Variants in EPC2 observed in about 807,000 individuals in gnomAD.
EPC2 encodes enhancer of polycomb homolog 2.
In EPC2, 14 loss-of-function variants were observed where a neutral mutation model predicts 92.1. The observed-to-expected ratio is 0.15, with a 90% confidence interval of 0.10 to 0.24. The LOEUF (loss-of-function observed/expected upper bound fraction) is 0.24, where lower values mean the gene tolerates loss of function less well. EPC2 is among the 10% of genes least tolerant of loss of function. EPC2 has a pLI of 1.00. For missense variants in EPC2, 755 were observed against 971.5 expected (o/e 0.78, Z 2.96); for synonymous variants, 340 against 334.7 (o/e 1.02, Z -0.17).
intron 2 of EPC2, among the ~76,000 whole-genome samples, chr2:148,727,504 A>G (rs1323521796): frequency 6.6e-6 from 1 of 152,236 alleles, no homozygotes; most frequent in East Asian, 1.9e-4. Context: ...GTAGTGGCCT[A>G]TGAAGATATG....
chr2:148,690,390 A>G lies in EPC2; in HGVS notation c.313+17A>G, dbSNP rs376558505. 3.2e-6 allele frequency: 5 copies of G among 1,561,236 alleles called. No individual in the cohort carries two copies. Among genetic ancestry groups the G allele is most frequent in the Non-Finnish European group, 4.3e-6 (5 of 1,158,288 alleles). On this transcript the variant is annotated intron_variant, in intron 2 of 13. Coordinates refer to ENST00000258484, the MANE Select transcript of EPC2 (RefSeq NM_015630.4). ...ATATTCAGCGTAAGTTTGTTAATTC[A>G]TTGTTTTCTGTTTGTACTTTAAATT...
At chr2:148,701,142 A>G (rs1468775390) in intron 2 of EPC2, among the ~76,000 whole-genome samples, 1 of 152,178 alleles carries the variant, frequency 6.6e-6, no homozygotes, top group East Asian at 1.9e-4. Flanking sequence ...ACTATGCTCT[A>G]ATTAGTTCCA....
intron 1 of EPC2, among the ~76,000 whole-genome samples, chr2:148,657,345 T>C (rs1348100872): frequency 6.6e-6 from 1 of 152,130 alleles, no homozygotes; most frequent in Non-Finnish European, 1.5e-5. Flanking sequence ...TGAAATAGCC[T>C]AGCCACCTTG....
At chr2:148,688,356 A>G (rs1183862252) in intron 1 of EPC2, among the ~76,000 whole-genome samples, 1 of 152,164 alleles carries the variant, frequency 6.6e-6, no homozygotes, top group Non-Finnish European at 1.5e-5. Flanking sequence ...TGGGAATTGA[A>G]CAGTGAGAAC....
At chr2:148,646,738 C>CT (rs1482700601) in intron 1 of EPC2, among the ~76,000 whole-genome samples, 1 of 152,018 alleles carries the variant, frequency 6.6e-6, no homozygotes, top group Non-Finnish European at 1.5e-5. Context: ...TTTTGTGGGT[C>CT]TTGATCCAAA....
At chr2:148,713,004 G>A (rs923947694) in intron 2 of EPC2, among the ~76,000 whole-genome samples, 3 of 152,160 alleles carry the variant, frequency 2.0e-5, no homozygotes, top group African/African-American at 4.8e-5. Context: ...ACCAGCCTGG[G>A]CAACATAGAC....
At chr2:148,725,998 T>A (rs1316676200) in intron 2 of EPC2, among the ~76,000 whole-genome samples, 2 of 152,170 alleles carry the variant, frequency 1.3e-5, no homozygotes, top group Non-Finnish European at 2.9e-5. Context: ...ACCACCATTC[T>A]GCTTTTTGTT....
At chr2:148,753,825 G>T (rs1374530639) in intron 3 of EPC2, 102 bp from the exon 4 acceptor site, 1 of 783,554 alleles carries the variant, frequency 1.3e-6, no homozygotes, top group African/African-American at 1.7e-5. Context: ...TTATCTGTTA[G>T]TAGTTATTGA....
intron 1 of EPC2, among the ~76,000 whole-genome samples, chr2:148,670,448 C>T (rs1261719712): frequency 6.6e-6 from 1 of 151,860 alleles, no homozygotes; most frequent in African/African-American, 2.4e-5. Context: ...TGTTGTACAA[C>T]CATTACCACT....
At chr2:148,775,162 T>G (rs543746631) in intron 10 of EPC2, among the ~76,000 whole-genome samples, 1 of 152,002 alleles carries the variant, frequency 6.6e-6, no homozygotes, top group East Asian at 1.9e-4. Flanking sequence ...AATAGATTGA[T>G]TGTGGTGAAC....
intron 2 of EPC2, among the ~76,000 whole-genome samples, chr2:148,716,769 A>G (rs1682270607): frequency 1.3e-5 from 2 of 152,166 alleles, no homozygotes; most frequent in South Asian, 4.1e-4. Flanking sequence ...TGAACTAGGG[A>G]GGAGTCCCTC....
intron 2 of EPC2, among the ~76,000 whole-genome samples, chr2:148,710,510 A>G (rs1343043942): frequency 1.3e-5 from 2 of 152,264 alleles, no homozygotes; most frequent in Non-Finnish European, 2.9e-5. Context: ...TATATACCCA[A>G]AGGATTATAA....
chr2:148,701,657 T>C (rs766185081), intron 2 of EPC2, among the ~76,000 whole-genome samples: 2 of 152,208 alleles, frequency 1.3e-5, no homozygotes, highest in African/African-American at 4.8e-5. Context: ...AATTTTTGCA[T>C]GTATGTTCAT....
chr2:148,729,306 C>T (rs909505518), intron 2 of EPC2, among the ~76,000 whole-genome samples: 4 of 151,996 alleles, frequency 2.6e-5, no homozygotes, highest in Admixed American at 6.6e-5. Flanking sequence ...TTACATACCT[C>T]AGAGTAGTAT....
intron 7 of EPC2, among the ~76,000 whole-genome samples, chr2:148,768,568 CTCT>C (rs1469739806): frequency 1.3e-5 from 2 of 152,128 alleles, no homozygotes; most frequent in Non-Finnish European, 1.5e-5. Flanking sequence ...CAAGTCATTT[CTCT>C]TCTTCTTTTC....
At chr2:148,774,950 G>T (rs563345591) in intron 10 of EPC2, among the ~76,000 whole-genome samples, 5 of 151,680 alleles carry the variant, frequency 3.3e-5, no homozygotes, top group Non-Finnish European at 7.4e-5. Context: ...TTAGCCAGGC[G>T]TGGTGGTGGG....
chr2:148,672,202 G>A (rs1681167806), intron 1 of EPC2, among the ~76,000 whole-genome samples: 1 of 152,086 alleles, frequency 6.6e-6, no homozygotes, highest in South Asian at 2.1e-4. Flanking sequence ...TTGTCTTTAT[G>A]TATCTTTATG....
At chr2:148,663,639 C>T (rs1289229061) in intron 1 of EPC2, among the ~76,000 whole-genome samples, 2 of 117,938 alleles carry the variant, frequency 1.7e-5, no homozygotes, top group Non-Finnish European at 3.2e-5. Context: ...TCTATCTTAC[C>T]ACTGAAGCCT....
intron 6 of EPC2, among the ~76,000 whole-genome samples, chr2:148,763,868 C>T (rs1683353245): frequency 6.6e-6 from 1 of 152,106 alleles, no homozygotes; most frequent in Non-Finnish European, 1.5e-5. Flanking sequence ...AATCTTAACC[C>T]AGAATTACTG....
Sources: gnomAD v4.1 joint callset for allele counts (sites outside exome capture counted in the v4.1 genomes callset) on GRCh38, gnomAD v4.1.1 for gene constraint, MANE v1.5 for transcripts, NCBI Gene and HGNC (gene_info 2026-07-23, HGNC 2026-07-21) for gene names.